The following GAPVD1 variants were observed in gnomAD, a reference collection of about 807,000 sequenced individuals.
The protein encoded by GAPVD1 is GTPase-activating protein and VPS9 domain-containing protein 1.
A neutral mutation model predicts 155.5 loss-of-function variants in GAPVD1; 35 were observed. The observed-to-expected ratio is 0.23, with a 90% confidence interval of 0.17 to 0.30. GAPVD1 has a LOEUF of 0.30. Ranked by LOEUF, GAPVD1 falls within the 10% of genes least tolerant of loss-of-function variation. GAPVD1 has a pLI of 1.00. For synonymous variants in GAPVD1, 636 were observed against 619.7 expected, an observed-to-expected ratio of 1.03 and a Z score of -0.39; for missense variants, 1,429 against 1,775.7, an observed-to-expected ratio of 0.80 and a Z score of 3.51.
intron 25 of GAPVD1, among the ~76,000 whole-genome samples, chr9:125,358,481 T>G (rs1311335185): frequency 6.6e-6 from 1 of 152,216 alleles, no homozygotes; most frequent in Admixed American, 6.5e-5. Context: ...CCATGCTTCT[T>G]AACAGTGACA....
intron 25 of GAPVD1, among the ~76,000 whole-genome samples, chr9:125,358,607 A>G (rs1220734209): frequency 6.6e-6 from 1 of 152,208 alleles, no homozygotes; most frequent in Non-Finnish European, 1.5e-5. Flanking sequence ...GATATTTGAG[A>G]GAATTCACTT....
rs1041183392 is a variant in GAPVD1, at chr9:125,363,568, C to G, written c.*822C>G. ...CTGCATTAGGAGATAGACTGATTAC[C>G]ATACATGACATAAAAAGGAACAGTG... On this transcript the variant is annotated 3_prime_UTR_variant, in exon 28 of 28. Coordinates refer to ENST00000297933, the MANE Select transcript of GAPVD1 (RefSeq NM_001282680.3). 6.6e-6 allele frequency: 1 copy of G among 152,284 alleles called. No individual in the cohort carries two copies. The highest frequency in any genetic ancestry group is 2.4e-5 in the African/African-American group (1 of 41,422). The allele number at this position is 152,284 out of a possible 1,614,324, so 9.4% of individuals were successfully genotyped here.
chr9:125,344,641 C>T (rs140229473), intron 19 of GAPVD1, among the ~76,000 whole-genome samples: 3 of 152,200 alleles, frequency 2.0e-5, no homozygotes, highest in East Asian at 1.9e-4. Context: ...CTCTCAACAG[C>T]ACTGAAAAGT....
At chr9:125,314,789 C>CTTTTT in intron 9 of GAPVD1, among the ~76,000 whole-genome samples, 1 of 140,826 alleles carries the variant, frequency 7.1e-6, no homozygotes, top group Non-Finnish European at 1.6e-5. Context: ...GTAGCAGCTT[C>CTTTTT]TTTTTTTTTT....
At chr9:125,324,257 T>C (rs1028234209) in intron 11 of GAPVD1, among the ~76,000 whole-genome samples, 2 of 152,096 alleles carry the variant, frequency 1.3e-5, no homozygotes, top group Non-Finnish European at 2.9e-5. Flanking sequence ...ATCATGAAAG[T>C]ATTTGGCAGT....
intron 4 of GAPVD1, among the ~76,000 whole-genome samples, chr9:125,299,654 C>T (rs1322892724): frequency 1.3e-5 from 2 of 149,640 alleles, no homozygotes; most frequent in East Asian, 4.0e-4. Context: ...GACTCTGTCT[C>T]CTCAAAAGAA....
intron 2 of GAPVD1, among the ~76,000 whole-genome samples, chr9:125,290,860 G>C (rs1210029724): frequency 6.6e-6 from 1 of 151,792 alleles, no homozygotes; most frequent in Admixed American, 6.6e-5. Context: ...TGGATGTGGT[G>C]GTGCATGCCT....
chr9:125,267,928 C>T (rs1373968280), intron 1 of GAPVD1, among the ~76,000 whole-genome samples: 1 of 151,638 alleles, frequency 6.6e-6, no homozygotes, highest in Non-Finnish European at 1.5e-5. Flanking sequence ...TTTGGGAGAC[C>T]GAGGCGGGTG....
intron 8 of GAPVD1, 115 bp from the exon 9 acceptor site, chr9:125,312,337 C>T: frequency 3.7e-5 from 23 of 621,190 alleles, no homozygotes; most frequent in South Asian, 7.1e-5. Flanking sequence ...TATTTTTTAC[C>T]ACTCTTGTGC....
chr9:125,273,877 A>G (rs1271956550), intron 2 of GAPVD1, among the ~76,000 whole-genome samples: 1 of 151,988 alleles, frequency 6.6e-6, no homozygotes, highest in Non-Finnish European at 1.5e-5. Flanking sequence ...CTTGGCTGTC[A>G]TGGCACAGAG....
chr9:125,270,662 G>C (rs972973493), intron 2 of GAPVD1, among the ~76,000 whole-genome samples: 3 of 152,088 alleles, frequency 2.0e-5, no homozygotes, highest in African/African-American at 7.2e-5. Flanking sequence ...GAATGGTTGA[G>C]GCCGGGCGCA....
At chr9:125,336,258 C>G (rs1476595312) in intron 15 of GAPVD1, among the ~76,000 whole-genome samples, 2 of 148,158 alleles carry the variant, frequency 1.3e-5, no homozygotes, top group South Asian at 2.1e-4. Flanking sequence ...TAATAGTACT[C>G]TCATTCATTA....
At chr9:125,311,209 T>G (rs1331700151) in intron 8 of GAPVD1, among the ~76,000 whole-genome samples, 2 of 152,218 alleles carry the variant, frequency 1.3e-5, no homozygotes, top group East Asian at 3.8e-4. Context: ...AATTGAAGCC[T>G]TTATTAATTT....
intron 1 of GAPVD1, among the ~76,000 whole-genome samples, chr9:125,263,194 T>G (rs1221038193): frequency 6.6e-6 from 1 of 152,118 alleles, no homozygotes; most frequent in African/African-American, 2.4e-5. Flanking sequence ...GATTAAGAAC[T>G]CCTGAAATAA....
chr9:125,328,202 TTTTA>T (rs1235800872), intron 12 of GAPVD1, among the ~76,000 whole-genome samples: 4 of 150,208 alleles, frequency 2.7e-5, no homozygotes, highest in African/African-American at 4.9e-5. Flanking sequence ...TTTTTTTTTT[TTTTA>T]AATTTATTTT....
At chr9:125,267,252 G>C (rs1834123431) in intron 1 of GAPVD1, among the ~76,000 whole-genome samples, 1 of 152,032 alleles carries the variant, frequency 6.6e-6, no homozygotes, top group Non-Finnish European at 1.5e-5. Context: ...CAGATTACTT[G>C]AGCCTAGGAA....
At chr9:125,332,863 G>A (rs1319784829) in intron 15 of GAPVD1, among the ~76,000 whole-genome samples, 1 of 152,144 alleles carries the variant, frequency 6.6e-6, no homozygotes, top group Non-Finnish European at 1.5e-5. Flanking sequence ...TTAGCACGAA[G>A]ATGTTCTTTA....
chr9:125,275,618 A>C (rs1379022077), intron 2 of GAPVD1, among the ~76,000 whole-genome samples: 1 of 151,924 alleles, frequency 6.6e-6, no homozygotes, highest in Non-Finnish European at 1.5e-5. Context: ...GCATGGTGGC[A>C]CATACGTGTA....
rs1387488774 is a variant in GAPVD1, at chr9:125,326,537, G to C, written c.1980G>C (p.Leu660Phe). The C allele has an allele frequency of 6.2e-7, 1 of 1,612,848 alleles. No homozygotes were observed. Among genetic ancestry groups the C allele is most frequent in the Admixed American group, 1.7e-5 (1 of 60,012 alleles). Reference sequence around the variant, plus strand: ...GTGAGACCTGGAGTACAGACGTCTTGGGAAGTGACTTTGACCCTAATATTG... The same window carrying C: ...GTGAGACCTGGAGTACAGACGTCTTCGGAAGTGACTTTGACCCTAATATTG... ...TVSETWSTDV[L>F]GSDFDPNIDE... Residue 660 changes from leucine (L) to phenylalanine (F), a missense_variant, in exon 12 of 28, where the codon TTG becomes TTC. By Grantham distance (22) the Leu-to-Phe change is conservative. Coordinates refer to ENST00000297933, the MANE Select transcript of GAPVD1 (RefSeq NM_001282680.3).
Sources: gnomAD v4.1 joint callset for allele counts (sites outside exome capture counted in the v4.1 genomes callset) on GRCh38, gnomAD v4.1.1 for gene constraint, MANE v1.5 for transcripts, NCBI Gene and HGNC (gene_info 2026-07-23, HGNC 2026-07-21) for gene names.